The following NUP58 variants were observed in gnomAD, a reference collection of about 807,000 sequenced individuals.
NUP58 encodes nucleoporin p58/p45.
A neutral mutation model predicts 70.1 loss-of-function variants in NUP58; 17 were observed. That is an observed-to-expected ratio of 0.24 (90% CI 0.17 to 0.36). The LOEUF is 0.36. NUP58 is among the 10% of genes least tolerant of loss of function. NUP58 has a pLI of 1.00. For missense variants in NUP58, 644 were observed against 701.5 expected (o/e 0.92, Z 0.93); for synonymous variants, 275 against 257.6 (o/e 1.07, Z -0.65).
intron 1 of NUP58, among the ~76,000 whole-genome samples, chr13:25,305,171 C>A (rs1276295787): frequency 9.8e-6 from 1 of 101,634 alleles, no homozygotes; most frequent in Non-Finnish European, 1.8e-5. Flanking sequence ...TGAGACAGGG[C>A]CTTGCCCTGT....
At chr13:25,322,787 T>C (rs2031240731) in intron 9 of NUP58, among the ~76,000 whole-genome samples, 1 of 152,214 alleles carries the variant, frequency 6.6e-6, no homozygotes, top group African/African-American at 2.4e-5. Flanking sequence ...TATTGCCCCA[T>C]GTTTCCTTTC....
At chr13:25,319,707 A>T (rs138283267) in intron 7 of NUP58, among the ~76,000 whole-genome samples, 38 of 152,230 alleles carry the variant, frequency 2.5e-4, no homozygotes, top group African/African-American at 7.9e-4. Flanking sequence ...TTATTGTGCC[A>T]GTCTCGTTTT....
intron 3 of NUP58, among the ~76,000 whole-genome samples, chr13:25,348,881 G>C (rs1434574884): frequency 6.6e-6 from 1 of 151,818 alleles, no homozygotes; most frequent in Non-Finnish European, 1.5e-5. Flanking sequence ...ACTCTTTTTC[G>C]TAACATACAA....
At chr13:25,333,138 GTGTT>G (rs1226337974) in intron 13 of NUP58, 12 of 985,134 alleles carry the variant, frequency 1.2e-5, no homozygotes, top group Non-Finnish European at 1.3e-5. Context: ...GTGTGTGTGT[GTGTT>G]TAACTTTCTT....
At chr13:25,308,067 T>C (rs1306363333) in intron 2 of NUP58, 119 bp downstream of exon 2, 44 of 1,142,314 alleles carry the variant, frequency 3.9e-5, no homozygotes, top group Middle Eastern at 2.2e-4. Flanking sequence ...AAATGGTAAA[T>C]GCTAAGATGA....
chr13:25,346,416 CTTAAG>C (rs994710776), downstream of NUP58, among the ~76,000 whole-genome samples: 3 of 152,170 alleles, frequency 2.0e-5, no homozygotes, highest in Non-Finnish European at 4.4e-5. Flanking sequence ...AGTGGGCTTT[CTTAAG>C]TTAAAGGGAT....
intron 1 of NUP58, among the ~76,000 whole-genome samples, chr13:25,306,235 C>T (rs776609174): frequency 1.4e-4 from 22 of 151,840 alleles, no homozygotes; most frequent in Admixed American, 7.2e-4. Context: ...GAAACCCTGT[C>T]TCTAGTAAAA....
chr13:25,313,960 G>T (rs2030804343), intron 5 of NUP58, among the ~76,000 whole-genome samples: 3 of 152,190 alleles, frequency 2.0e-5, no homozygotes, highest in Non-Finnish European at 4.4e-5. Flanking sequence ...ATGGAGTCTT[G>T]CTCTGTCACC....
intron 3 of NUP58, among the ~76,000 whole-genome samples, chr13:25,310,567 T>G (rs2030615823): frequency 6.8e-6 from 1 of 146,204 alleles, no homozygotes; most frequent in Admixed American, 7.0e-5. Context: ...CTCAGTATGT[T>G]GCCTAGGCTG....
chr13:25,346,226 T>TCCCG (rs2032048034), downstream of NUP58, among the ~76,000 whole-genome samples: 1 of 152,192 alleles, frequency 6.6e-6, no homozygotes, highest in Admixed American at 6.5e-5. Flanking sequence ...CGTTAACTCA[T>TCCCG]TTAGTCCTCA....
intron 13 of NUP58, chr13:25,332,624 A>T: frequency 1.0e-6 from 1 of 985,450 alleles, no homozygotes; most frequent in Non-Finnish European, 1.2e-6. Flanking sequence ...AGTTTAAAAA[A>T]TTGTTCTTCA....
In NUP58 at chr13:25,338,630, C is replaced by T. The variant is rs779670864; in HGVS notation, c.1535-6C>T. 51 of 1,607,392 alleles carry T rather than the reference C, an allele frequency of 3.2e-5. 1 individual carries two copies. The Middle Eastern group carries it at 5.0e-4, about 16-fold the overall frequency. ...ATTGTATATTTTTCTATTACCCTTC[C>T]ACTAGGATTTGGAACTAGCTCTGGT... On this transcript the variant is annotated splice_region_variant and splice_polypyrimidine_tract_variant and intron_variant, in intron 14 of 15. Transcript: ENST00000381736.
chr13:25,334,828 CTT>C (rs1402387751), intron 13 of NUP58: 1 of 984,296 alleles, frequency 1.0e-6, no homozygotes, highest in Non-Finnish European at 1.2e-6. Context: ...TATATGGTAA[CTT>C]TTGTAAAATG....
chr13:25,326,550 G>C (rs1356601913), intron 10 of NUP58, among the ~76,000 whole-genome samples: 1 of 152,040 alleles, frequency 6.6e-6, no homozygotes, highest in Non-Finnish European at 1.5e-5. Context: ...TTCCAAAATA[G>C]TAGTACAGAG....
intron 1 of NUP58, among the ~76,000 whole-genome samples, chr13:25,307,211 A>ATTT (rs72132780): frequency 0.7 from 69,431 of 98,678 alleles, 27,359 homozygotes; most frequent in Non-Finnish European, 0.86. Context: ...CTGGTATTGT[A>ATTT]TTTTTTTTTT....
chr13:25,324,870 ACC>A, intron 9 of NUP58, 117 bp from the exon 10 acceptor site: 3 of 700,052 alleles, frequency 4.3e-6, no homozygotes, highest in Non-Finnish European at 7.4e-6. Context: ...TATAGCATGA[ACC>A]TCCAAGGTAT....
downstream of NUP58, among the ~76,000 whole-genome samples, chr13:25,344,795 TGTA>T (rs1374677128): frequency 2.0e-5 from 3 of 152,240 alleles, no homozygotes; most frequent in South Asian, 2.1e-4. Flanking sequence ...ATTTTTATCC[TGTA>T]GTAGGTATGA....
chr13:25,303,129 A>T, intron 1 of NUP58: 1 of 455,400 alleles, frequency 2.2e-6, no homozygotes, highest in Middle Eastern at 4.5e-4. Flanking sequence ...CAACTTCTTC[A>T]ATCTGTTCTG....
intron 1 of NUP58, among the ~76,000 whole-genome samples, chr13:25,302,424 T>A (rs1365885035): frequency 2.0e-5 from 3 of 152,218 alleles, no homozygotes; most frequent in Non-Finnish European, 2.9e-5. Context: ...TTTACAGTGT[T>A]TATTAGTGGT....
Sources: allele counts gnomAD v4.1 joint callset (sites outside exome capture counted in the v4.1 genomes callset), GRCh38; gene constraint gnomAD v4.1.1; transcripts MANE v1.5; gene names NCBI Gene and HGNC (gene_info 2026-07-23, HGNC 2026-07-21).